The following NELL1 variants were observed in gnomAD, a reference collection of about 807,000 sequenced individuals.
NELL1 encodes the protein protein kinase C-binding protein NELL1.
A neutral mutation model predicts 107.4 loss-of-function variants in NELL1; 76 were observed. The observed-to-expected ratio is 0.71, with a 90% CI of 0.59 to 0.86. NELL1 has a LOEUF of 0.86. NELL1 is among the 40% of genes least tolerant of loss of function. The probability of loss-of-function intolerance (pLI) is 0.00; values close to 1 mark genes in which losing one functional copy is unlikely to be tolerated. For missense variants in NELL1, 1,024 were observed against 1,005.5 expected (o/e 1.02, Z -0.25); for synonymous variants, 353 against 341.2 (o/e 1.03, Z -0.38).
At chr11:20,906,765 C>A (rs1438545112) in intron 5 of NELL1, among the ~76,000 whole-genome samples, 1 of 151,960 alleles carries the variant, frequency 6.6e-6, no homozygotes, top group Non-Finnish European at 1.5e-5. Flanking sequence ...TCAATTGACA[C>A]AGAAAACGCA....
intron 12 of NELL1, among the ~76,000 whole-genome samples, chr11:21,024,510 T>C (rs550089941): frequency 1.3e-4 from 20 of 152,250 alleles, no homozygotes; most frequent in African/African-American, 4.6e-4. Flanking sequence ...AAACTTCTTC[T>C]ATCAAGCGGG....
At chr11:21,223,808 T>G (rs1272496678) in intron 13 of NELL1, among the ~76,000 whole-genome samples, 2 of 152,332 alleles carry the variant, frequency 1.3e-5, no homozygotes, top group African/African-American at 4.8e-5. Flanking sequence ...GCCCTACACT[T>G]CCTGATGTAG....
chr11:20,892,173 T>C (rs1353349610), intron 5 of NELL1, among the ~76,000 whole-genome samples: 2 of 152,172 alleles, frequency 1.3e-5, no homozygotes, highest in Non-Finnish European at 2.9e-5. Flanking sequence ...GTCTCTCAGA[T>C]CACGGTGCGA....
At chr11:21,122,195 G>A (rs1435119568) in intron 13 of NELL1, among the ~76,000 whole-genome samples, 1 of 152,140 alleles carries the variant, frequency 6.6e-6, no homozygotes, top group Non-Finnish European at 1.5e-5. Flanking sequence ...ATTAAGTACT[G>A]TGTTGCCCTT....
intron 15 of NELL1, among the ~76,000 whole-genome samples, chr11:21,388,702 A>G (rs1418511615): frequency 2.0e-5 from 3 of 151,864 alleles, no homozygotes; most frequent in Non-Finnish European, 4.4e-5. Flanking sequence ...GAGCTTCTCA[A>G]TGATGCCTCT....
rs1009777449 is a variant in NELL1, at chr11:21,172,606, G to A, written c.1427-56726G>A. ...GTGTATACCACTACCTTCTCCGAGG[G>A]ATTAATCCCATGGGCTATTTTTAAT... On this transcript the variant is annotated intron_variant, in intron 13 of 19. Transcript: ENST00000357134. Among the ~76,000 whole-genome samples the A allele has an allele frequency of 7.9e-5, 12 of 151,602 alleles. 1 individual carries two copies. Among genetic ancestry groups the A allele is most frequent in the African/African-American group, 2.9e-4 (12 of 41,008 alleles).
chr11:20,948,674 A>C (rs1360885262), intron 11 of NELL1, among the ~76,000 whole-genome samples: 1 of 151,054 alleles, frequency 6.6e-6, no homozygotes, highest in Non-Finnish European at 1.5e-5. Context: ...CCTATGTCTT[A>C]AAACCCAGCT....
At chr11:20,988,439 CTA>C (rs1025091817) in intron 12 of NELL1, among the ~76,000 whole-genome samples, 1,403 of 104,318 alleles carry the variant, frequency 0.013, 28 homozygotes, top group African/African-American at 0.056. Context: ...GTATATATAT[CTA>C]TATATACACA....
chr11:21,337,125 G>A (rs1264333233), intron 14 of NELL1, among the ~76,000 whole-genome samples: 1 of 152,082 alleles, frequency 6.6e-6, no homozygotes, highest in East Asian at 1.9e-4. Context: ...AGTTTTCAAG[G>A]TACTTAGCTT....
At chr11:21,090,374 G>A (rs1854493564) in intron 12 of NELL1, among the ~76,000 whole-genome samples, 1 of 151,996 alleles carries the variant, frequency 6.6e-6, no homozygotes, top group Non-Finnish European at 1.5e-5. Context: ...AAAGGCATTG[G>A]GGTTCTCCCT....
At chr11:20,707,754 G>C (rs758288669) in intron 2 of NELL1, among the ~76,000 whole-genome samples, 57 of 152,190 alleles carry the variant, frequency 3.7e-4, no homozygotes, top group Admixed American at 1.5e-3. Flanking sequence ...GGGGCACCTG[G>C]CTGTAAGAGG....
chr11:20,871,642 T>TTA (rs10656291), intron 4 of NELL1, among the ~76,000 whole-genome samples: 80,995 of 150,624 alleles, frequency 0.54, 26,140 homozygotes, highest in Non-Finnish European at 0.71. Context: ...ATTTTTTTTT[T>TTA]ATTCATGTAG....
intron 5 of NELL1, among the ~76,000 whole-genome samples, chr11:20,902,023 T>A (rs1849885552): frequency 6.6e-6 from 1 of 152,078 alleles, no homozygotes; most frequent in Non-Finnish European, 1.5e-5. Context: ...CAAGTACAAT[T>A]GAATTAAATA....
intron 13 of NELL1, among the ~76,000 whole-genome samples, chr11:21,140,648 T>G (rs963143897): frequency 6.6e-6 from 1 of 152,202 alleles, no homozygotes; most frequent in Non-Finnish European, 1.5e-5. Context: ...ATTTATCCAA[T>G]TATATATTTT....
In NELL1 at chr11:21,368,354, G is replaced by T. The variant is rs1037599504; in HGVS notation, c.1550-2499G>T. Among the ~76,000 whole-genome samples, 281 of 49,864 alleles carry T rather than the reference G, an allele frequency of 5.6e-3. 1 individual carries two copies. The highest frequency in any genetic ancestry group is 0.024 in the African/African-American group (273 of 11,242). 32.7% of individuals were successfully genotyped at this position (49,864 alleles called of 152,430 possible). A position where few individuals can be genotyped will look rare whatever the true frequency, so the allele number is the denominator to read the frequency against. ...ATGCGACATGTGCAATTTAGGCATT[G>T]GTTTTTTTTTTTTTTCTTTTAACTT... is the stretch of plus-strand genomic sequence containing the variant. On this transcript the variant is annotated intron_variant, in intron 14 of 19. Transcript: ENST00000357134.
chr11:20,672,303 G>C (rs1853933389), intron 1 of NELL1, among the ~76,000 whole-genome samples: 1 of 152,154 alleles, frequency 6.6e-6, no homozygotes, highest in Admixed American at 6.5e-5. Flanking sequence ...TTGTCAAGTG[G>C]GACAATTGTT....
intron 13 of NELL1, among the ~76,000 whole-genome samples, chr11:21,146,238 A>G (rs1855975472): frequency 6.6e-6 from 1 of 151,584 alleles, no homozygotes; most frequent in East Asian, 1.9e-4. Context: ...AAGAAAAAAA[A>G]CATTTTATTC....
chr11:21,219,654 T>G (rs1185701851), intron 13 of NELL1, among the ~76,000 whole-genome samples: 1 of 152,188 alleles, frequency 6.6e-6, no homozygotes, highest in Non-Finnish European at 1.5e-5. Context: ...GATTTTTGTA[T>G]ATAGTGAGAA....
rs553900012 is a variant in NELL1, at chr11:21,252,397, T to TC, written c.1549+22944dup. Among the ~76,000 whole-genome samples, 11 of 152,206 alleles carry TC rather than the reference T, an allele frequency of 7.2e-5. No homozygotes were observed. The South Asian group carries it at 2.3e-3, about 32-fold the overall frequency. On this transcript the variant is annotated intron_variant, in intron 14 of 19. Coordinates refer to ENST00000357134, the MANE Select transcript of NELL1 (RefSeq NM_006157.5). ...GAATGGGATAAAAAATGGAGCTAGA[T>TC]CAGGGATCCAGAAGCACAGACCAGA...
Sources: allele counts gnomAD v4.1 joint callset (sites outside exome capture counted in the v4.1 genomes callset), GRCh38; gene constraint gnomAD v4.1.1; transcripts MANE v1.5; gene names NCBI Gene and HGNC (gene_info 2026-07-23, HGNC 2026-07-21).